Variants in USO1 observed in about 807,000 individuals in gnomAD.
The protein encoded by USO1 is general vesicular transport factor p115.
Under a neutral mutation model 124.5 loss-of-function variants are expected in USO1, and 57 were observed. The ratio of observed to expected loss-of-function variants is 0.46; its 90% CI spans 0.37 to 0.57. The LOEUF (loss-of-function observed/expected upper bound fraction) is 0.57. Ranked by LOEUF, USO1 falls within the 20% of genes least tolerant of loss-of-function variation. The pLI is 0.00. For missense variants in USO1, 900 were observed against 1,040.6 expected (o/e 0.86, Z 1.86); for synonymous variants, 369 against 362.8 (o/e 1.02, Z -0.19).
At chr4:75,773,359 A>C (rs1440427998) in intron 7 of USO1, among the ~76,000 whole-genome samples, 6 of 101,896 alleles carry the variant, frequency 5.9e-5, no homozygotes, top group Non-Finnish European at 1.4e-4. Context: ...TAAAGAGAAA[A>C]GAAACTAAAA....
chr4:75,762,725 A>G (rs1721653371), intron 4 of USO1, among the ~76,000 whole-genome samples: 1 of 151,926 alleles, frequency 6.6e-6, no homozygotes, highest in Admixed American at 6.6e-5. Flanking sequence ...TCAGGAGATC[A>G]AGACCATCCT....
At chr4:75,797,596 T>G (rs1722725945) in intron 13 of USO1, among the ~76,000 whole-genome samples, 1 of 151,344 alleles carries the variant, frequency 6.6e-6, no homozygotes, top group African/African-American at 2.4e-5. Flanking sequence ...TAATTTTTAT[T>G]TGAATCACAT....
At chr4:75,781,608 A>G (rs1375163388) in intron 8 of USO1, among the ~76,000 whole-genome samples, 2 of 152,226 alleles carry the variant, frequency 1.3e-5, no homozygotes, top group Non-Finnish European at 2.9e-5. Context: ...TGTATACACT[A>G]AGAAACCAAA....
intron 1 of USO1, among the ~76,000 whole-genome samples, chr4:75,750,676 G>C (rs1721275907): frequency 6.6e-6 from 1 of 151,786 alleles, no homozygotes; most frequent in South Asian, 2.1e-4. Context: ...GTAGAGACAG[G>C]GTTTCACCAT....
intron 20 of USO1, among the ~76,000 whole-genome samples, chr4:75,807,904 TAAGTGACA>T (rs1373084212): frequency 6.6e-6 from 1 of 152,082 alleles, no homozygotes; most frequent in African/African-American, 2.4e-5. Context: ...ATGTATTTTT[TAAGTGACA>T]GTTTTGTTTT....
Position 75,801,114 on chromosome 4 carries a change from G to A in USO1, c.1900G>A (p.Glu634Lys). Residue 634 changes from glutamate to lysine, a missense_variant, in exon 17 of 24, where the codon GAA (glutamate) becomes AAA (lysine). Coordinates refer to ENST00000514213, the MANE Select transcript of USO1 (RefSeq NM_003715.4). ...TAAGGCTATTTATAAGTCCAGTGAA[G>A]AAGATAAAAAAGAAGAAGAGGTGAA... ...ITKAIYKSSE[E>K]DKKEEEVKKT... 1 of 1,599,878 alleles carries A rather than the reference G, an allele frequency of 6.3e-7. No individual in the cohort carries two copies. The highest frequency in any genetic ancestry group is 8.5e-7 in the Non-Finnish European group (1 of 1,172,810).
intron 1 of USO1, among the ~76,000 whole-genome samples, chr4:75,732,876 TA>T (rs3059597): frequency 6.2e-4 from 30 of 48,184 alleles, no homozygotes; most frequent in East Asian, 4.7e-3. Context: ...AGATTCCATC[TA>T]AAAAAAAAAA....
intron 4 of USO1, among the ~76,000 whole-genome samples, chr4:75,762,586 GTAA>G (rs1453065395): frequency 1.3e-5 from 2 of 151,018 alleles, no homozygotes; most frequent in African/African-American, 4.9e-5. Flanking sequence ...ATTAAATCAT[GTAA>G]TTCACAAAAC....
At chr4:75,728,375 C>G (rs1720525637) in intron 1 of USO1, among the ~76,000 whole-genome samples, 1 of 152,196 alleles carries the variant, frequency 6.6e-6, no homozygotes, top group Non-Finnish European at 1.5e-5. Context: ...ATAATCCCAG[C>G]ACTTTGGGAG....
chr4:75,799,569 G>T, intron 13 of USO1, 53 bp from the exon 14 acceptor site: 1 of 1,596,642 alleles, frequency 6.3e-7, no homozygotes, highest in Non-Finnish European at 8.5e-7. Context: ...GCAACTTTAA[G>T]TTTGAAAAAT....
intron 1 of USO1, among the ~76,000 whole-genome samples, chr4:75,734,585 G>C (rs1720734402): frequency 6.6e-6 from 1 of 152,034 alleles, no homozygotes; most frequent in Non-Finnish European, 1.5e-5. Flanking sequence ...TTTTTGCTTA[G>C]GATTGCTTTG....
intron 8 of USO1, among the ~76,000 whole-genome samples, chr4:75,775,583 C>G (rs1191348767): frequency 1.3e-5 from 2 of 152,092 alleles, no homozygotes; most frequent in Non-Finnish European, 2.9e-5. Context: ...GGGTATTCAC[C>G]ATGATTTTAC....
At chr4:75,755,791 A>T (rs1215546181) in intron 3 of USO1, among the ~76,000 whole-genome samples, 1 of 152,138 alleles carries the variant, frequency 6.6e-6, no homozygotes, top group African/African-American at 2.4e-5. Context: ...ATTTTACCTT[A>T]GATAGTGAGA....
intron 1 of USO1, among the ~76,000 whole-genome samples, chr4:75,725,806 T>C (rs188356050): frequency 1.2e-3 from 180 of 152,308 alleles, no homozygotes; most frequent in African/African-American, 4.2e-3. Flanking sequence ...TATAACACTT[T>C]AATGGCTAAC....
chr4:75,809,936 G>A (rs1411159635), intron 21 of USO1, among the ~76,000 whole-genome samples: 1 of 152,048 alleles, frequency 6.6e-6, no homozygotes, highest in Admixed American at 6.6e-5. Context: ...GTCACTACCC[G>A]ACTTCCTAGT....
At chr4:75,776,611 G>A (rs1471391323) in intron 8 of USO1, among the ~76,000 whole-genome samples, 1 of 152,158 alleles carries the variant, frequency 6.6e-6, no homozygotes, top group Non-Finnish European at 1.5e-5. Context: ...AGGCTCTAGG[G>A]TTCACTAAGG....
chr4:75,790,208 C>T lies in USO1; in HGVS notation c.1055C>T (p.Ala352Val). 1.2e-6 allele frequency: 2 copies of T among 1,602,618 alleles called. No individual in the cohort carries two copies. The highest frequency in any genetic ancestry group is 1.7e-6 in the Non-Finnish European group (2 of 1,174,328). ...TGCCAAGTAAACCAAGACTACTTTGCATCTGTAAATGCACCTTCAAACCCA... is the reference window on the plus strand; with the variant it reads ...TGCCAAGTAAACCAAGACTACTTTGTATCTGTAAATGCACCTTCAAACCCA... Reference protein sequence around the residue: ...RGCQVNQDYFASVNAPSNPPR... With the variant: ...RGCQVNQDYFVSVNAPSNPPR... The change falls in exon 11 of 24, where the codon GCA becomes GTA. Residue 352 changes from alanine (A) to valine (V), a missense_variant. Transcript: ENST00000514213.
At chr4:75,771,652 G>A (rs956254508) in intron 7 of USO1, among the ~76,000 whole-genome samples, 1 of 152,126 alleles carries the variant, frequency 6.6e-6, no homozygotes, top group Middle Eastern at 3.2e-3. Context: ...CATTATATTT[G>A]GAATCCTTGC....
chr4:75,773,110 A>G (rs1721978152), intron 7 of USO1, among the ~76,000 whole-genome samples: 1 of 152,118 alleles, frequency 6.6e-6, no homozygotes, highest in Non-Finnish European at 1.5e-5. Flanking sequence ...AAAAAAAATA[A>G]TAATAATAAC....
Sources: allele counts gnomAD v4.1 joint callset (sites outside exome capture counted in the v4.1 genomes callset), GRCh38; gene constraint gnomAD v4.1.1; transcripts MANE v1.5; gene names NCBI Gene and HGNC (gene_info 2026-07-23, HGNC 2026-07-21).